Variants in MYO16 observed in about 807,000 individuals in gnomAD.
MYO16 encodes myosin XVI.
MYO16 carries 94 observed loss-of-function variants against 205.3 expected under a neutral mutation model. That is an observed-to-expected ratio of 0.46 (90% CI 0.39 to 0.54). The LOEUF (loss-of-function observed/expected upper bound fraction) is 0.54, where lower values mean the gene tolerates loss of function less well. Among genes scored for constraint, MYO16 ranks in the 20% least tolerant of loss-of-function variants. The probability of loss-of-function intolerance (pLI) is 0.00; values close to 1 mark genes in which losing one functional copy is unlikely to be tolerated. For missense variants in MYO16, 2,315 were observed against 2,387.5 expected, an observed-to-expected ratio of 0.97 and a Z score of 0.63; for synonymous variants, 988 against 954.0, an observed-to-expected ratio of 1.04 and a Z score of -0.66.
chr13:108,579,441 ATT>A, the MYO16 span, among the ~76,000 whole-genome samples: 352 of 139,474 alleles, frequency 2.5e-3, no homozygotes, highest in African/African-American at 8.9e-3. Context: ...AAAGGCAAGA[ATT>A]TTTTTTTTTT....
At chr13:108,574,322 G>C in the MYO16 span, among the ~76,000 whole-genome samples, 2 of 152,136 alleles carry the variant, frequency 1.3e-5, no homozygotes, top group African/African-American at 4.8e-5. Context: ...ATGAAGCAAG[G>C]AAATGGGATG....
rs1426662175 is a variant in MYO16 at position 108,709,941 on chromosome 13, CA to C, written c.293-2717del. ...CTCAAAAAAACTGTCCTATCTAGGA[CA>C]AACAAAACTCAGATTGCCCTTTTCT... On this transcript the variant is annotated intron_variant, in intron 2 of 34. Coordinates refer to ENST00000457511, the MANE Select transcript of MYO16 (RefSeq NM_001198950.3). Among the ~76,000 whole-genome samples the C allele has an allele frequency of 5.2e-5, 7 of 134,182 alleles. 2 individuals carry two copies. Among genetic ancestry groups the C allele is most frequent in the Non-Finnish European group, 8.1e-5 (5 of 61,446 alleles). 88.0% of individuals were successfully genotyped at this position (134,182 alleles called of 152,430 possible).
At chr13:108,609,759 T>C (rs1879103641) in intron 1 of MYO16, among the ~76,000 whole-genome samples, 1 of 152,220 alleles carries the variant, frequency 6.6e-6, no homozygotes, top group Non-Finnish European at 1.5e-5. Context: ...TTTCTGTTTT[T>C]AATATAGGTC....
At chr13:108,880,737 C>A (rs1879572458) in intron 12 of MYO16, among the ~76,000 whole-genome samples, 1 of 152,114 alleles carries the variant, frequency 6.6e-6, no homozygotes. Flanking sequence ...TGTTTTGGGA[C>A]CAGTACCATG....
At chr13:108,926,331 G>A (rs116264209) in intron 16 of MYO16, among the ~76,000 whole-genome samples, 1,595 of 152,252 alleles carry the variant, frequency 0.01, 25 homozygotes, top group African/African-American at 0.037. Context: ...TGTATTTGAA[G>A]TACAATGCTC....
At chr13:108,749,580 T>C (rs4772991) in intron 4 of MYO16, among the ~76,000 whole-genome samples, 68,021 of 151,766 alleles carry the variant, frequency 0.45, 15,338 homozygotes, top group East Asian at 0.55. Flanking sequence ...CACCGTATAC[T>C]CATTCCAGTG....
At chr13:108,727,605 A>G (rs191756453) in intron 4 of MYO16, 22 bp downstream of exon 4, 2 of 1,593,964 alleles carry the variant, frequency 1.3e-6, no homozygotes, top group East Asian at 2.2e-5. Context: ...AATTCAGTTT[A>G]CCATTTGAAG....
chr13:108,852,403 T>C (rs572446409), intron 10 of MYO16, among the ~76,000 whole-genome samples: 4 of 152,360 alleles, frequency 2.6e-5, no homozygotes, highest in Non-Finnish European at 5.9e-5. Context: ...GTGGTTATCA[T>C]GCCAGTTTTG....
intron 25 of MYO16, among the ~76,000 whole-genome samples, chr13:109,053,885 C>T (rs903024800): frequency 3.3e-5 from 5 of 152,050 alleles, no homozygotes; most frequent in Non-Finnish European, 7.4e-5. Flanking sequence ...CTTCATTTTA[C>T]GTTCACTTGT....
At chr13:108,810,113 G>A (rs1367941404) in intron 7 of MYO16, among the ~76,000 whole-genome samples, 1 of 152,202 alleles carries the variant, frequency 6.6e-6, no homozygotes, top group South Asian at 2.1e-4. Context: ...GTGCAGATGA[G>A]GCAGGTTTTT....
At chr13:109,155,230 C>CG (rs1006120202) in intron 32 of MYO16, among the ~76,000 whole-genome samples, 9 of 152,044 alleles carry the variant, frequency 5.9e-5, no homozygotes, top group East Asian at 5.8e-4. Flanking sequence ...TTCGACTTGG[C>CG]GGGGGGGTGG....
chr13:108,868,570 G>T (rs943371992), intron 12 of MYO16, among the ~76,000 whole-genome samples: 3 of 151,914 alleles, frequency 2.0e-5, no homozygotes, highest in Non-Finnish European at 2.9e-5. Flanking sequence ...CAAGAAGTAG[G>T]GGTCAAGATT....
At chr13:108,715,118 G>A (rs889569896) in intron 3 of MYO16, among the ~76,000 whole-genome samples, 15 of 152,152 alleles carry the variant, frequency 9.9e-5, no homozygotes, top group African/African-American at 2.9e-4. Context: ...GCCCACAGCC[G>A]TTGCAACTTC....
At chr13:109,118,343 G>A (rs1400633752) in intron 28 of MYO16, among the ~76,000 whole-genome samples, 1 of 152,036 alleles carries the variant, frequency 6.6e-6, no homozygotes, top group Non-Finnish European at 1.5e-5. Flanking sequence ...ACCTCCTTTG[G>A]GTTTTTGAAT....
At chr13:108,676,386 TGTG>T (rs1882208977) in intron 2 of MYO16, among the ~76,000 whole-genome samples, 1 of 145,532 alleles carries the variant, frequency 6.9e-6, no homozygotes, top group African/African-American at 2.5e-5. Flanking sequence ...TGTGTGTGTG[TGTG>T]TGTGTGTGTG....
intron 1 of MYO16, among the ~76,000 whole-genome samples, chr13:108,636,251 T>C (rs1269973583): frequency 1.3e-5 from 2 of 152,132 alleles, no homozygotes; most frequent in Non-Finnish European, 2.9e-5. Context: ...TCTCTCCTGA[T>C]TAGTGTTCAT....
chr13:108,610,075 T>C (rs1879115500), intron 1 of MYO16, among the ~76,000 whole-genome samples: 1 of 152,138 alleles, frequency 6.6e-6, no homozygotes, highest in East Asian at 1.9e-4. Flanking sequence ...TGACTGAGTG[T>C]TACACCTGAA....
chr13:109,040,416 A>AGAGAGAGAGAGAGAGAGAGAGAGAG (rs375579978), intron 23 of MYO16, among the ~76,000 whole-genome samples: 55 of 149,638 alleles, frequency 3.7e-4, no homozygotes, highest in African/African-American at 4.9e-4. Flanking sequence ...AGAGAGAGAG[A>AGAGAGAGAGAGAGAGAGAGAGAGAG]AAATTAAAAA....
At chr13:108,688,139 CTT>C (rs1053127235) in intron 2 of MYO16, among the ~76,000 whole-genome samples, 2 of 152,014 alleles carry the variant, frequency 1.3e-5, no homozygotes, top group Non-Finnish European at 2.9e-5. Context: ...AATTCTTTCT[CTT>C]GTAAAAAAAT....
Sources: allele counts gnomAD v4.1 joint callset (sites outside exome capture counted in the v4.1 genomes callset), GRCh38; gene constraint gnomAD v4.1.1; transcripts MANE v1.5; gene names NCBI Gene and HGNC (gene_info 2026-07-23, HGNC 2026-07-21).